ATE1: variants seen among roughly 807,000 people sequenced by gnomAD.
ATE1 encodes the protein arginyl-tRNA--protein transferase 1.
Under a neutral mutation model 70.5 loss-of-function variants are expected in ATE1, and 36 were observed. The observed-to-expected ratio is 0.51, with a 90% CI of 0.39 to 0.67. The LOEUF is 0.67. Ranked by LOEUF, ATE1 falls within the 30% of genes least tolerant of loss-of-function variation. ATE1 has a pLI of 0.00. For missense variants in ATE1, 593 were observed against 629.5 expected (o/e 0.94, Z 0.62); for synonymous variants, 232 against 219.3 (o/e 1.06, Z -0.51).
At chr10:121,861,976 G>A (rs1417026712) in intron 8 of ATE1, among the ~76,000 whole-genome samples, 1 of 152,088 alleles carries the variant, frequency 6.6e-6, no homozygotes, top group Non-Finnish European at 1.5e-5. Flanking sequence ...AAGATGTCTA[G>A]TCCCCCGAGT....
intron 7 of ATE1, among the ~76,000 whole-genome samples, chr10:121,880,197 G>C (rs1456382946): frequency 1.3e-5 from 2 of 152,138 alleles, no homozygotes; most frequent in African/African-American, 4.8e-5. Flanking sequence ...AATGGTTACA[G>C]GTACTGCTTG....
chr10:121,785,004 G>T (rs919318359), intron 11 of ATE1, among the ~76,000 whole-genome samples: 1 of 152,116 alleles, frequency 6.6e-6, no homozygotes, highest in Non-Finnish European at 1.5e-5. Context: ...AAATTTCCAA[G>T]ACATTTTCTT....
chr10:121,901,992 A>G (rs1950998725), intron 6 of ATE1, among the ~76,000 whole-genome samples: 1 of 152,206 alleles, frequency 6.6e-6, no homozygotes, highest in African/African-American at 2.4e-5. Flanking sequence ...CCAAGATCAG[A>G]ATATTATAAT....
intron 8 of ATE1, among the ~76,000 whole-genome samples, chr10:121,845,586 C>T (rs1248984973): frequency 6.6e-6 from 1 of 152,152 alleles, no homozygotes; most frequent in Non-Finnish European, 1.5e-5. Context: ...GTAACAGGAA[C>T]TCTGCACCTA....
chr10:121,752,604 G>C (rs1020543801), intron 11 of ATE1, among the ~76,000 whole-genome samples: 1 of 152,136 alleles, frequency 6.6e-6, no homozygotes, highest in Non-Finnish European at 1.5e-5. Flanking sequence ...GTGTGAAGTA[G>C]GGGGCCAATT....
chr10:121,899,753 T>C, intron 7 of ATE1, 113 bp downstream of exon 7: 1 of 1,461,904 alleles, frequency 6.8e-7, no homozygotes, highest in Middle Eastern at 1.9e-4. Flanking sequence ...GCAGATATGC[T>C]GCAAATTGAA....
chr10:121,889,089 C>T (rs1259991434), intron 7 of ATE1, among the ~76,000 whole-genome samples: 1 of 152,106 alleles, frequency 6.6e-6, no homozygotes, highest in South Asian at 2.1e-4. Flanking sequence ...TCTCAGCTCA[C>T]GGCAACCTCT....
intron 11 of ATE1, among the ~76,000 whole-genome samples, chr10:121,764,114 A>T (rs1258538740): frequency 1.3e-5 from 2 of 152,212 alleles, no homozygotes; most frequent in Non-Finnish European, 2.9e-5. Context: ...TAGCACACCA[A>T]TGTGAGATGT....
At chr10:121,770,233 AACACAC>A (rs3036837) in intron 11 of ATE1, among the ~76,000 whole-genome samples, 168 of 136,924 alleles carry the variant, frequency 1.2e-3, no homozygotes, top group South Asian at 5.2e-3. Flanking sequence ...ACAAGAGAGA[AACACAC>A]ACACACACAC....
intron 8 of ATE1, among the ~76,000 whole-genome samples, chr10:121,848,188 A>G (rs1361101702): frequency 6.6e-6 from 1 of 152,206 alleles, no homozygotes; most frequent in Non-Finnish European, 1.5e-5. Context: ...GAAAACCTAC[A>G]AGTCAAAAGC....
At chr10:121,807,641 A>C (rs1947150818) in intron 10 of ATE1, among the ~76,000 whole-genome samples, 1 of 152,228 alleles carries the variant, frequency 6.6e-6, no homozygotes, top group South Asian at 2.1e-4. Context: ...AAATTAATTT[A>C]GATGTTAACT....
At chr10:121,807,403 T>C (rs1193026550) in intron 10 of ATE1, among the ~76,000 whole-genome samples, 1 of 143,140 alleles carries the variant, frequency 7.0e-6, no homozygotes. Context: ...TATTACTTCA[T>C]AGAGTATAAG....
chr10:121,924,568 C>T lies in ATE1; in HGVS notation c.107-239G>A, dbSNP rs185685458. On this transcript the variant is annotated intron_variant, in intron 1 of 11. Transcript: ENST00000224652. ...ACAAAAATTTAGCTGGGCATAGTGG[C>T]GGGCGCCTGTAATCCCAGCTACTCA... Among the ~76,000 whole-genome samples the T allele has an allele frequency of 1.7e-3, 252 of 151,672 alleles. 2 individuals carry two copies. In the East Asian group the frequency reaches 0.044, roughly 26 times the overall value.
intron 8 of ATE1, among the ~76,000 whole-genome samples, chr10:121,843,235 T>TA (rs1418796967): frequency 2.6e-5 from 4 of 152,170 alleles, no homozygotes; most frequent in Non-Finnish European, 5.9e-5. Flanking sequence ...AATGTTTAGT[T>TA]ATAAATCAAA....
rs150912773 is a variant in ATE1, at chr10:121,745,533, G to A, written c.1379-1675C>T. 1.0e-3 allele frequency among the ~76,000 whole-genome samples: 159 copies of A among 152,146 alleles called. No individual in the cohort carries two copies. The East Asian group carries it at 0.019, about 18-fold the overall frequency. On this transcript the variant is annotated intron_variant, in intron 11 of 11. Coordinates refer to ENST00000224652, the MANE Select transcript of ATE1 (RefSeq NM_001001976.3). ...AGATCGACACCATTCTGGCTAACAC[G>A]GTGAAACCCCGTCTCTACTAAAAAA...
chr10:121,789,449 T>A (rs1946346214), intron 11 of ATE1, among the ~76,000 whole-genome samples: 1 of 151,848 alleles, frequency 6.6e-6, no homozygotes, highest in African/African-American at 2.4e-5. Context: ...CAGGCACCCA[T>A]CATCATGCCC....
intron 3 of ATE1, among the ~76,000 whole-genome samples, chr10:121,917,310 A>T (rs1277812136): frequency 6.6e-6 from 1 of 152,222 alleles, no homozygotes; most frequent in Non-Finnish European, 1.5e-5. Context: ...ATATACTAAG[A>T]AAAAACTTAC....
intron 11 of ATE1, among the ~76,000 whole-genome samples, chr10:121,758,464 A>C (rs1181176180): frequency 6.6e-6 from 1 of 152,250 alleles, no homozygotes; most frequent in African/African-American, 2.4e-5. Context: ...ATACCTCTGA[A>C]AATTTCCTGG....
rs115141909 is a variant in ATE1 at position 121,881,284 on chromosome 10, G to T, written c.943-11246C>A. ...TTCCAGACACTCTGCTGGGCATTGT[G>T]TATTTCTTCAGACTCTTGCATACAG... On this transcript the variant is annotated intron_variant, in intron 7 of 11. Transcript: ENST00000224652. Among the ~76,000 whole-genome samples, 655 of 152,202 alleles carry T rather than the reference G, an allele frequency of 4.3e-3. 8 individuals carry two copies. Among genetic ancestry groups the T allele is most frequent in the African/African-American group, 0.016 (644 of 41,528 alleles).
Sources: allele counts gnomAD v4.1 joint callset (sites outside exome capture counted in the v4.1 genomes callset), GRCh38; gene constraint gnomAD v4.1.1; transcripts MANE v1.5; gene names NCBI Gene and HGNC (gene_info 2026-07-23, HGNC 2026-07-21).